Variants in RHNO1 observed in about 807,000 individuals in gnomAD.
RHNO1 encodes RAD9, HUS1, RAD1-interacting nuclear orphan protein 1.
In RHNO1, 9 loss-of-function variants were observed where a neutral mutation model predicts 7.2. The ratio of observed to expected loss-of-function variants is 1.25; its 90% confidence interval spans 0.75 to 2.18. The LOEUF (loss-of-function observed/expected upper bound fraction) is 2.18, where lower values mean the gene tolerates loss of function less well. Among genes scored for constraint, RHNO1 ranks in the 30% most tolerant of loss-of-function variants. RHNO1 has a pLI of 0.00. For missense variants in RHNO1, 292 were observed against 284.5 expected, an observed-to-expected ratio of 1.03 and a Z score of -0.19; for synonymous variants, 95 against 107.5, an observed-to-expected ratio of 0.88 and a Z score of 0.72.
intron 1 of RHNO1, among the ~76,000 whole-genome samples, chr12:2,882,250 T>G (rs2098158783): frequency 6.6e-6 from 1 of 150,482 alleles, no homozygotes; most frequent in African/African-American, 2.5e-5. Flanking sequence ...CAGACTAGTC[T>G]GGGCAACAAA....
At chr12:2,877,805 G>A (rs1458864027) in intron 1 of RHNO1, 1 of 152,364 alleles carries the variant, frequency 6.6e-6, no homozygotes, top group Non-Finnish European at 1.5e-5. Context: ...AGGCCCTGAA[G>A]ATACAATGGC....
chr12:2,887,913 A>G lies in RHNO1; in HGVS notation c.171A>G (p.Val57=). Residue 57 remains valine (V), a splice_region_variant and synonymous_variant, in exon 3 of 3, where the codon GTA becomes GTG. Transcript: ENST00000489288. ...PIDHSTITSW[V]SPDFDTAAGS... is the part of the protein sequence containing the mutation. ...CTCACTTTTTTTTTTTTTTTAAGGT[A>G]TCACCTGATTTTGATACAGCAGCAG... 6.5e-7 allele frequency: 1 copy of G among 1,540,874 alleles called. No homozygotes were observed. Among genetic ancestry groups the G allele is most frequent in the Admixed American group, 2.1e-5 (1 of 47,780 alleles).
chr12:2,884,849 GT>G (rs1260912043), intron 1 of RHNO1, among the ~76,000 whole-genome samples: 8 of 151,940 alleles, frequency 5.3e-5, no homozygotes, highest in Admixed American at 5.2e-4. Flanking sequence ...TTGCTTTTTT[GT>G]TTCTTCTATG....
intron 1 of RHNO1, among the ~76,000 whole-genome samples, chr12:2,883,494 T>TAAA (rs1265165073): frequency 4.0e-4 from 8 of 19,902 alleles, no homozygotes; most frequent in Non-Finnish European, 6.6e-4. Flanking sequence ...TATATATATA[T>TAAA]ATATATATAT....
At chr12:2,879,441 G>A (rs2098154490) in intron 1 of RHNO1, among the ~76,000 whole-genome samples, 1 of 151,534 alleles carries the variant, frequency 6.6e-6, no homozygotes, top group Non-Finnish European at 1.5e-5. Context: ...CAAGTGATCT[G>A]CCCACCTCAG....
chr12:2,882,177 C>T (rs1565487446), intron 1 of RHNO1, among the ~76,000 whole-genome samples: 1 of 151,826 alleles, frequency 6.6e-6, no homozygotes, highest in Non-Finnish European at 1.5e-5. Flanking sequence ...CGTGGTGGCT[C>T]ATGCCTGTAA....
At chr12:2,887,870 G>A (rs1407721517) in intron 2 of RHNO1, 41 bp from the exon 3 acceptor site, 1 of 1,486,190 alleles carries the variant, frequency 6.7e-7, no homozygotes, top group Non-Finnish European at 9.0e-7. Flanking sequence ...TCTTAGGTTA[G>A]TACTTAGTTA....
In RHNO1 at chr12:2,888,594, C is replaced by G; in HGVS notation, c.*135C>G. On this transcript the variant is annotated 3_prime_UTR_variant, in exon 3 of 3. Coordinates refer to ENST00000489288, the MANE Select transcript of RHNO1 (RefSeq NM_001252499.3). The stretch of plus-strand genomic sequence containing the variant: ...CCAGGCTGGAGTGCAGTGGTATGAT[C>G]TCACCTTACTGCAACCACCACTTCC... The G allele has an allele frequency of 3.0e-6, 2 of 668,944 alleles. No individual in the cohort carries two copies. Among genetic ancestry groups the G allele is most frequent in the South Asian group, 3.0e-5 (1 of 33,610 alleles). The allele number at this position is 668,944 out of a possible 1,614,324, so 41.4% of individuals were successfully genotyped here. A position where few individuals can be genotyped will look rare whatever the true frequency, so the allele number is the denominator to read the frequency against.
intron 2 of RHNO1, chr12:2,887,024 ACC>A (rs2098166357): frequency 6.6e-6 from 3 of 455,090 alleles, no homozygotes; most frequent in Non-Finnish European, 1.3e-5. Context: ...ACTGGTCCCT[ACC>A]CTCATGAAGT....
At chr12:2,884,452 C>T (rs2098162926) in intron 1 of RHNO1, among the ~76,000 whole-genome samples, 1 of 152,222 alleles carries the variant, frequency 6.6e-6, no homozygotes, top group African/African-American at 2.4e-5. Context: ...GCCTTGAACT[C>T]CTGGCCTAAA....
At position 2,885,488 on chromosome 12, in the gene RHNO1, G is replaced by T; in HGVS notation, c.122G>T (p.Arg41Leu). The T allele has an allele frequency of 6.2e-7, 1 of 1,609,686 alleles. No individual in the cohort carries two copies. The highest frequency in any genetic ancestry group is 1.1e-5 in the South Asian group (1 of 90,958). ...ACACAGCTTCCCATCACTCACACTC[G>T]ACAGGTGCCCAGCAAGCCCATTGAC... is the stretch of plus-strand genomic sequence containing the variant. ...ASTQLPITHT[R>L]QVPSKPIDHS... The change falls in exon 2 of 3, where the codon CGA becomes CTA. Residue 41 changes from arginine to leucine, a missense_variant. By Grantham distance (102) the Arg-to-Leu change is moderately radical (BLOSUM62 -2). Transcript: ENST00000489288.
intron 1 of RHNO1, among the ~76,000 whole-genome samples, chr12:2,883,409 C>G (rs2098160771): frequency 7.1e-6 from 1 of 140,838 alleles, no homozygotes; most frequent in Non-Finnish European, 1.5e-5. Flanking sequence ...GGAACACTGG[C>G]TGGCTGGATA....
intron 1 of RHNO1, among the ~76,000 whole-genome samples, chr12:2,879,842 A>G (rs2098155137): frequency 6.6e-6 from 1 of 152,064 alleles, no homozygotes; most frequent in South Asian, 2.1e-4. Context: ...CCAGAGGGGA[A>G]GGACTTAGAC....
intron 1 of RHNO1, among the ~76,000 whole-genome samples, chr12:2,879,888 AAGATAGAT>A (rs1346058407): frequency 6.6e-6 from 1 of 152,042 alleles, no homozygotes; most frequent in Non-Finnish European, 1.5e-5. Flanking sequence ...GAGCAGAAAG[AAGATAGAT>A]GTTGATACGC....
intron 1 of RHNO1, chr12:2,877,810 A>T (rs895006285): frequency 6.6e-6 from 1 of 152,298 alleles, no homozygotes; most frequent in Non-Finnish European, 1.5e-5. Flanking sequence ...CTGAAGATAC[A>T]ATGGCAGACA....
chr12:2,878,997 T>TA (rs1194402157), intron 1 of RHNO1, among the ~76,000 whole-genome samples: 1 of 151,656 alleles, frequency 6.6e-6, no homozygotes, highest in Non-Finnish European at 1.5e-5. Flanking sequence ...TATTTATTTT[T>TA]ATTTATCTTT....
chr12:2,884,144 T>C (rs1293167537), intron 1 of RHNO1, among the ~76,000 whole-genome samples: 1 of 151,598 alleles, frequency 6.6e-6, no homozygotes. Context: ...CATTGTAACC[T>C]CCACCTCCCA....
rs1403229167 is a variant in RHNO1, at chr12:2,885,750, T to G, written c.168+216T>G. On this transcript the variant is annotated intron_variant, in intron 2 of 2. Transcript: ENST00000489288. ...CCACCACGCCCGGCTAATTTTTTTG[T>G]ATTTTCAGTAGAGATGGGGTTTCAC... is the stretch of plus-strand genomic sequence containing the variant. 19 of 430,800 alleles carry G rather than the reference T, an allele frequency of 4.4e-5. No individual in the cohort carries two copies. The East Asian group carries it at 7.9e-4, about 18-fold the overall frequency. 26.7% of individuals were successfully genotyped at this position (430,800 alleles called of 1,614,324 possible).
intron 1 of RHNO1, among the ~76,000 whole-genome samples, chr12:2,884,155 G>C (rs1447826600): frequency 6.6e-6 from 1 of 151,386 alleles, no homozygotes; most frequent in African/African-American, 2.4e-5. Flanking sequence ...CCACCTCCCA[G>C]GTTCAAGCGA....
Sources: gnomAD v4.1 joint callset for allele counts (sites outside exome capture counted in the v4.1 genomes callset) on GRCh38, gnomAD v4.1.1 for gene constraint, MANE v1.5 for transcripts, NCBI Gene and HGNC (gene_info 2026-07-23, HGNC 2026-07-21) for gene names.